Variants in CUEDC1 observed in about 807,000 individuals in gnomAD.
CUEDC1 encodes CUE domain containing 1.
CUEDC1 carries 30 observed loss-of-function variants against 43.7 expected under a neutral mutation model. The observed-to-expected ratio is 0.69, with a 90% CI of 0.51 to 0.93. The LOEUF (loss-of-function observed/expected upper bound fraction) is 0.93, where lower values mean the gene tolerates loss of function less well. Ranked by LOEUF, CUEDC1 falls within the 40% of genes least tolerant of loss-of-function variation. CUEDC1 has a pLI of 0.00. For synonymous variants in CUEDC1, 223 were observed against 223.6 expected (o/e 1.00, Z 0.02); for missense variants, 486 against 549.0 (o/e 0.89, Z 1.15).
chr17:57,932,207 G>A (rs1174874470), intron 1 of CUEDC1, among the ~76,000 whole-genome samples: 2 of 151,116 alleles, frequency 1.3e-5, no homozygotes, highest in African/African-American at 4.9e-5. Flanking sequence ...TCTTGAACCC[G>A]GGAGGTGGAG....
chr17:57,899,242 C>G (rs1007342998), intron 1 of CUEDC1, among the ~76,000 whole-genome samples: 6 of 152,180 alleles, frequency 3.9e-5, no homozygotes, highest in Admixed American at 6.5e-5. Flanking sequence ...CCACTCACTG[C>G]TGGGCCAGCT....
chr17:57,865,271 A>C (rs1036523304), intron 10 of CUEDC1, among the ~76,000 whole-genome samples: 1 of 152,166 alleles, frequency 6.6e-6, no homozygotes, highest in African/African-American at 2.4e-5. Flanking sequence ...GTGTTTGAGG[A>C]AAGCCTGAGG....
At chr17:57,873,470 C>A in intron 4 of CUEDC1, 121 bp downstream of exon 4, 1 of 1,213,134 alleles carries the variant, frequency 8.2e-7, no homozygotes, top group Non-Finnish European at 1.1e-6. Flanking sequence ...CCCAGGGCAA[C>A]AGAAATAGCT....
intron 1 of CUEDC1, among the ~76,000 whole-genome samples, chr17:57,928,177 T>C (rs2074766457): frequency 6.6e-6 from 1 of 152,226 alleles, no homozygotes; most frequent in Admixed American, 6.5e-5. Flanking sequence ...AATGTGTTTG[T>C]GTGTGCCTAT....
chr17:57,873,850 C>G (rs539170456), intron 3 of CUEDC1, 133 bp from the exon 4 acceptor site: 1 of 905,448 alleles, frequency 1.1e-6, no homozygotes, highest in South Asian at 2.2e-5. Context: ...GCCTCCAGAA[C>G]AAAGGCCCGT....
chr17:57,920,208 C>T (rs1190542161), intron 1 of CUEDC1, among the ~76,000 whole-genome samples: 1 of 152,210 alleles, frequency 6.6e-6, no homozygotes, highest in Non-Finnish European at 1.5e-5. Flanking sequence ...GCAGCATCAA[C>T]AGAGACTGGT....
At chr17:57,906,691 C>G (rs2074532604) in intron 1 of CUEDC1, among the ~76,000 whole-genome samples, 1 of 152,068 alleles carries the variant, frequency 6.6e-6, no homozygotes, top group South Asian at 2.1e-4. Context: ...ATGAGTCAGG[C>G]CAGGTGCGGT....
At position 57,921,264 on chromosome 17, in the gene CUEDC1, C is replaced by T. The variant is rs370983276; in HGVS notation, c.-316+33961G>A. Among the ~76,000 whole-genome samples the T allele has an allele frequency of 1.6e-4, 25 of 152,332 alleles. 1 individual carries two copies. In the East Asian group the frequency reaches 4.2e-3, roughly 26 times the overall value. ...ATAAAATGGGGGGAACCCCCTTCCC[C>T]TCTCAGGGACCAACAATGCAGTGAA... is the stretch of plus-strand genomic sequence containing the variant. On this transcript the variant is annotated intron_variant, in intron 1 of 10. Coordinates refer to ENST00000577830, the MANE Select transcript of CUEDC1 (RefSeq NM_001271875.2).
At chr17:57,935,106 C>T (rs948374951) in intron 1 of CUEDC1, among the ~76,000 whole-genome samples, 1 of 152,230 alleles carries the variant, frequency 6.6e-6, no homozygotes, top group Non-Finnish European at 1.5e-5. Flanking sequence ...TATTCAAGTG[C>T]CCGCAATCAG....
intron 1 of CUEDC1, among the ~76,000 whole-genome samples, chr17:57,893,559 G>A (rs117237678): frequency 0.028 from 4,277 of 152,320 alleles, 89 homozygotes; most frequent in Non-Finnish European, 0.045. Context: ...CAGCTGCCGG[G>A]GCTGCAACAA....
At chr17:57,872,083 C>T (rs971213485) in intron 5 of CUEDC1, among the ~76,000 whole-genome samples, 2 of 152,198 alleles carry the variant, frequency 1.3e-5, no homozygotes, top group African/African-American at 4.8e-5. Context: ...ACGCTGTGGC[C>T]GTCACAGGGA....
At position 57,885,540 on chromosome 17, in the gene CUEDC1, TGCTCCG is replaced by T. The variant is rs927639511; in HGVS notation, c.19_24del (p.Arg7_Ser8del). 1 of 1,377,856 alleles carries T rather than the reference TGCTCCG, an allele frequency of 7.3e-7. No homozygotes were observed. The highest frequency in any genetic ancestry group is 9.3e-7 in the Non-Finnish European group (1 of 1,073,162). 85.4% of individuals were successfully genotyped at this position (1,377,856 alleles called of 1,614,324 possible). A position where few individuals can be genotyped will look rare whatever the true frequency, so the allele number is the denominator to read the frequency against. ...GTGCCACCCCCGCCGCTGCCGCTGC[TGCTCCG>T]GCGGAACAGGCTGGTCATTTTGCGG... On this transcript the variant is annotated inframe_deletion, in exon 2 of 11. Transcript: ENST00000577830.
intron 1 of CUEDC1, among the ~76,000 whole-genome samples, chr17:57,903,708 A>G (rs11867681): frequency 0.4 from 60,886 of 151,744 alleles, 13,317 homozygotes; most frequent in African/African-American, 0.56. Context: ...GGTGGCTGAG[A>G]TGAGAGGACC....
intron 1 of CUEDC1, among the ~76,000 whole-genome samples, chr17:57,937,092 T>G (rs1052340794): frequency 1.3e-5 from 2 of 152,046 alleles, no homozygotes; most frequent in East Asian, 3.9e-4. Context: ...GTGCTGGGAT[T>G]ACAGGTGTGA....
chr17:57,897,497 C>T (rs2074424104), intron 1 of CUEDC1, among the ~76,000 whole-genome samples: 1 of 151,798 alleles, frequency 6.6e-6, no homozygotes, highest in South Asian at 2.1e-4. Flanking sequence ...GGTGAAACCC[C>T]GTCTCTACTA....
intron 1 of CUEDC1, among the ~76,000 whole-genome samples, chr17:57,891,654 G>T (rs1445918653): frequency 6.6e-6 from 1 of 152,166 alleles, no homozygotes; most frequent in East Asian, 1.9e-4. Flanking sequence ...ACTCTCTGTG[G>T]CCACCTGGAT....
chr17:57,885,836 A>C lies in CUEDC1; in HGVS notation c.-272T>G. On this transcript the variant is annotated 5_prime_UTR_variant, in exon 2 of 11. Transcript: ENST00000577830. ...GCTGGGGCTGGGCGGCCGGTCATCC[A>C]CACCCCCGGTGCATCCTGGCACCGG... is the stretch of plus-strand genomic sequence containing the variant. 3.0e-6 allele frequency: 1 copy of C among 329,216 alleles called. No individual in the cohort carries two copies. Among genetic ancestry groups the C allele is most frequent in the Non-Finnish European group, 5.4e-6 (1 of 185,066 alleles). 20.4% of individuals were successfully genotyped at this position (329,216 alleles called of 1,614,324 possible). A position where few individuals can be genotyped will look rare whatever the true frequency, so the allele number is the denominator to read the frequency against.
intron 1 of CUEDC1, among the ~76,000 whole-genome samples, chr17:57,949,799 A>G (rs369260895): frequency 6.6e-6 from 1 of 151,478 alleles, no homozygotes; most frequent in East Asian, 2.0e-4. Flanking sequence ...CTTGAGCTCA[A>G]GTGATCTGCC....
At chr17:57,907,688 A>G (rs112928593) in intron 1 of CUEDC1, among the ~76,000 whole-genome samples, 157 of 152,106 alleles carry the variant, frequency 1.0e-3, no homozygotes, top group African/African-American at 3.4e-3. Context: ...TCTACTAAAA[A>G]TACAAAAATT....
Sources: allele counts gnomAD v4.1 joint callset (sites outside exome capture counted in the v4.1 genomes callset), GRCh38; gene constraint gnomAD v4.1.1; transcripts MANE v1.5; gene names NCBI Gene and HGNC (gene_info 2026-07-23, HGNC 2026-07-21).